The following ADGRD1 variants were observed in gnomAD, a reference collection of about 807,000 sequenced individuals.
ADGRD1 encodes the protein adhesion G protein-coupled receptor D1, also known as G-protein coupled receptor 133.
In ADGRD1, 77 loss-of-function variants were observed where a neutral mutation model predicts 113.4. That is an observed-to-expected ratio of 0.68 (90% CI 0.57 to 0.82). The LOEUF (loss-of-function observed/expected upper bound fraction) is 0.82. Ranked by LOEUF, ADGRD1 falls within the 40% of genes least tolerant of loss-of-function variation. The pLI, the probability that ADGRD1 is intolerant of heterozygous loss-of-function variation, is 0.00. For synonymous variants in ADGRD1, 474 were observed against 475.0 expected, an observed-to-expected ratio of 1.00 and a Z score of 0.03; for missense variants, 1,036 against 1,139.1, an observed-to-expected ratio of 0.91 and a Z score of 1.30.
chr12:131,114,369 A>G (rs1476912192), intron 18 of ADGRD1, among the ~76,000 whole-genome samples: 1 of 152,200 alleles, frequency 6.6e-6, no homozygotes, highest in African/African-American at 2.4e-5. Flanking sequence ...TTCTGATACC[A>G]ATGCAGCCCC....
intron 13 of ADGRD1, among the ~76,000 whole-genome samples, chr12:131,071,571 T>A (rs1885172715): frequency 6.6e-6 from 1 of 152,190 alleles, no homozygotes; most frequent in African/African-American, 2.4e-5. Context: ...ACTCAGGACC[T>A]CTTTCCCAAG....
In ADGRD1 at chr12:130,965,702, A is replaced by G. The variant is rs1465326062; in HGVS notation, c.104-761A>G. 6.6e-6 allele frequency among the ~76,000 whole-genome samples: 1 copy of G among 152,272 alleles called. No homozygotes were observed. Among genetic ancestry groups the G allele is most frequent in the Non-Finnish European group, 1.5e-5 (1 of 68,044 alleles). On this transcript the variant is annotated intron_variant, in intron 2 of 24. Coordinates refer to ENST00000261654, the MANE Select transcript of ADGRD1 (RefSeq NM_198827.5). This position sits in a 1 kb window ranked among gnomAD's most constrained non-coding sequence, Gnocchi z 4.8. Reference sequence around the variant, plus strand: ...ATGAGGGTTAGATAGAAACAAAGAAATAATTCATATAGCATTCAATGAGAA... The same window carrying G: ...ATGAGGGTTAGATAGAAACAAAGAAGTAATTCATATAGCATTCAATGAGAA...
At chr12:131,017,327 GCACACAGTCCACACACACCCAGTC>G (rs1403153313) in intron 13 of ADGRD1, among the ~76,000 whole-genome samples, 136 of 100,070 alleles carry the variant, frequency 1.4e-3, no homozygotes, top group African/African-American at 5.2e-3. Flanking sequence ...CACACCCAGT[GCACACAGTCCACACACACCCAGTC>G]CACACACACC....
At chr12:131,099,867 C>T (rs1950029582) in intron 15 of ADGRD1, among the ~76,000 whole-genome samples, 1 of 152,164 alleles carries the variant, frequency 6.6e-6, no homozygotes, top group Admixed American at 6.5e-5. Context: ...TTAGTACTCC[C>T]CATTGTGCCT....
At chr12:131,116,546 C>T (rs1160130640) in intron 18 of ADGRD1, among the ~76,000 whole-genome samples, 7 of 142,134 alleles carry the variant, frequency 4.9e-5, no homozygotes, top group African/African-American at 3.1e-5. Flanking sequence ...TGGAGGCGGT[C>T]GGGTGGGTGC....
At position 131,003,874 on chromosome 12, in the gene ADGRD1, C is replaced by T. The variant is rs1876723152; in HGVS notation, c.1145-312C>T. Among the ~76,000 whole-genome samples, 1 of 152,176 alleles carries T rather than the reference C, an allele frequency of 6.6e-6. No individual in the cohort carries two copies. The highest frequency in any genetic ancestry group is 1.5e-5 in the Non-Finnish European group (1 of 68,028). ...TGGGGAGGAGCCGATGTCACCGCATCGCTGAGCACAGCCCATCCTTGCACC... is the reference window on the plus strand; with the variant it reads ...TGGGGAGGAGCCGATGTCACCGCATTGCTGAGCACAGCCCATCCTTGCACC... On this transcript the variant is annotated intron_variant, in intron 10 of 24. Coordinates refer to ENST00000261654, the MANE Select transcript of ADGRD1 (RefSeq NM_198827.5). The surrounding 1 kb of genome is among the most constrained non-coding windows in gnomAD (Gnocchi z 4.8).
In ADGRD1 at chr12:131,022,510, G is replaced by A. The variant is rs1879434409; in HGVS notation, c.1473+8170G>A. Among the ~76,000 whole-genome samples, 1 of 152,182 alleles carries A rather than the reference G, an allele frequency of 6.6e-6. No homozygotes were observed. The highest frequency in any genetic ancestry group is 2.1e-4 in the South Asian group (1 of 4,822). On this transcript the variant is annotated intron_variant, in intron 13 of 24. Transcript: ENST00000261654. This position sits in a 1 kb window ranked among gnomAD's most constrained non-coding sequence, Gnocchi z 4.6. ...CAAACCGTGATTTATTTATTCAGTT[G>A]CTGGTGTTGCTATGACTCAGGGGTA...
At chr12:131,091,638 A>T (rs1231452064) in intron 15 of ADGRD1, among the ~76,000 whole-genome samples, 1 of 152,184 alleles carries the variant, frequency 6.6e-6, no homozygotes, top group Non-Finnish European at 1.5e-5. Context: ...AATATGCAAC[A>T]TTTGTATCTT....
chr12:131,084,269 C>T lies in ADGRD1; in HGVS notation c.1548-271C>T, dbSNP rs773318016. Among the ~76,000 whole-genome samples the T allele has an allele frequency of 1.3e-5, 2 of 152,072 alleles. No individual in the cohort carries two copies. The highest frequency in any genetic ancestry group is 1.9e-4 in the East Asian group (1 of 5,160). ...CCAGGTGCTTTTCAGGGTGATTGTGCGAAGCAGCTCCCCCTTCCCTGTCCC... is the reference window on the plus strand; with the variant it reads ...CCAGGTGCTTTTCAGGGTGATTGTGTGAAGCAGCTCCCCCTTCCCTGTCCC... On this transcript the variant is annotated intron_variant, in intron 14 of 24. Transcript: ENST00000261654. This position sits in a 1 kb window ranked among gnomAD's most constrained non-coding sequence, Gnocchi z 4.5.
In ADGRD1 at chr12:131,138,053, C is replaced by T. The variant is rs560909665; in HGVS notation, c.2437-84C>T. ...CCAACCTCCCTCGCACATCTGGTTC[C>T]GGAGTTGCACCGGCACAGACTCCTC... On this transcript the variant is annotated intron_variant, in intron 23 of 24. Transcript: ENST00000261654. 143 of 1,087,364 alleles carry T rather than the reference C, an allele frequency of 1.3e-4. No homozygotes were observed. In the Admixed American group the frequency reaches 1.7e-3, roughly 13 times the overall value. 67.4% of individuals were successfully genotyped at this position (1,087,364 alleles called of 1,614,324 possible).
chr12:131,012,126 A>G (rs1037859499), intron 12 of ADGRD1, among the ~76,000 whole-genome samples: 6 of 152,074 alleles, frequency 3.9e-5, no homozygotes, highest in Non-Finnish European at 5.9e-5. Flanking sequence ...TGGAATGTTT[A>G]TGTACGTTCT....
chr12:131,130,511 A>C (rs1309014552), intron 20 of ADGRD1, among the ~76,000 whole-genome samples: 1 of 152,174 alleles, frequency 6.6e-6, no homozygotes, highest in African/African-American at 2.4e-5. Flanking sequence ...CTGCTGAGAG[A>C]GCCCTGGGCG....
chr12:131,013,129 C>G (rs1218972596), intron 12 of ADGRD1, among the ~76,000 whole-genome samples: 1 of 152,160 alleles, frequency 6.6e-6, no homozygotes, highest in Non-Finnish European at 1.5e-5. Flanking sequence ...TCACCCTCCT[C>G]CTGGCCCTGA....
At chr12:130,974,682 TG>T (rs1479055903) in intron 4 of ADGRD1, among the ~76,000 whole-genome samples, 1 of 152,188 alleles carries the variant, frequency 6.6e-6, no homozygotes, top group Non-Finnish European at 1.5e-5. Flanking sequence ...CAAATCCTGA[TG>T]TGGTCTCTGT....
At chr12:131,081,509 C>G (rs1886067998) in intron 14 of ADGRD1, among the ~76,000 whole-genome samples, 1 of 152,078 alleles carries the variant, frequency 6.6e-6, no homozygotes, top group Admixed American at 6.6e-5. Context: ...TTCATTCATG[C>G]CTGCCTTCAA....
intron 20 of ADGRD1, among the ~76,000 whole-genome samples, chr12:131,129,775 T>C (rs1363762408): frequency 6.6e-6 from 1 of 152,222 alleles, no homozygotes; most frequent in Non-Finnish European, 1.5e-5. Context: ...CAAGAAAAAC[T>C]TCTGAATCTC....
Position 131,050,998 on chromosome 12 carries a change from C to T in ADGRD1, c.1474-25803C>T, listed in dbSNP as rs113036038. On this transcript the variant is annotated intron_variant, in intron 13 of 24. Transcript: ENST00000261654. This position sits in a 1 kb window ranked among gnomAD's most constrained non-coding sequence, Gnocchi z 4.8. ...CACGGGCTGGTCCCGGTTCACGGCC[C>T]GGGTGTTGGGAACCCCTGTGTTAAA... Among the ~76,000 whole-genome samples the T allele has an allele frequency of 7.2e-3, 1,100 of 152,312 alleles. 8 individuals carry two copies. Among genetic ancestry groups the T allele is most frequent in the African/African-American group, 0.024 (1,010 of 41,566 alleles).
At chr12:131,014,137 T>C in intron 12 of ADGRD1, 62 bp from the exon 13 acceptor site, 1 of 1,547,408 alleles carries the variant, frequency 6.5e-7, no homozygotes, top group East Asian at 2.3e-5. Context: ...CCAGCCTAGG[T>C]TCTAGCTGTG....
At position 131,027,815 on chromosome 12, in the gene ADGRD1, T is replaced by C. The variant is rs1051786574; in HGVS notation, c.1473+13475T>C. Reference sequence around the variant, plus strand: ...GCCTGCAGAAAAGCACGTATATGTGTGTATGGTATGACAGTTTTTACAAAG... The same window carrying C: ...GCCTGCAGAAAAGCACGTATATGTGCGTATGGTATGACAGTTTTTACAAAG... On this transcript the variant is annotated intron_variant, in intron 13 of 24. Coordinates refer to ENST00000261654, the MANE Select transcript of ADGRD1 (RefSeq NM_198827.5). This position sits in a 1 kb window ranked among gnomAD's most constrained non-coding sequence, Gnocchi z 5.1. The C allele has an allele frequency of 6.6e-6, 1 of 152,210 alleles. No homozygotes were observed. The highest frequency in any genetic ancestry group is 6.5e-5 in the Admixed American group (1 of 15,284). 9.4% of individuals were successfully genotyped at this position (152,210 alleles called of 1,614,324 possible). A position where few individuals can be genotyped will look rare whatever the true frequency, so the allele number is the denominator to read the frequency against.
Sources: gnomAD v4.1 joint callset for allele counts (sites outside exome capture counted in the v4.1 genomes callset) on GRCh38, gnomAD v4.1.1 for gene constraint, Gnocchi (gnomAD v3.1) non-coding constraint, MANE v1.5 for transcripts, NCBI Gene and HGNC (gene_info 2026-07-23, HGNC 2026-07-21) for gene names.